Variants in KIFAP3 observed in about 807,000 individuals in gnomAD.
KIFAP3 encodes the protein kinesin-associated protein 3.
KIFAP3 carries 68 observed loss-of-function variants against 106.5 expected under a neutral mutation model. The ratio of observed to expected loss-of-function variants is 0.64; its 90% CI spans 0.53 to 0.78. The LOEUF (loss-of-function observed/expected upper bound fraction) is 0.78, where lower values mean the gene tolerates loss of function less well. KIFAP3 is among the 30% of genes least tolerant of loss of function. The probability of loss-of-function intolerance (pLI) is 0.00; values close to 1 mark genes in which losing one functional copy is unlikely to be tolerated. For synonymous variants in KIFAP3, 320 were observed against 311.5 expected (o/e 1.03, Z -0.29); for missense variants, 780 against 941.8 (o/e 0.83, Z 2.25).
At chr1:169,970,432 T>C (rs1665860865) in intron 17 of KIFAP3, among the ~76,000 whole-genome samples, 1 of 152,070 alleles carries the variant, frequency 6.6e-6, no homozygotes, top group Non-Finnish European at 1.5e-5. Flanking sequence ...AATATTTGCA[T>C]AATTTGGGGG....
intron 9 of KIFAP3, among the ~76,000 whole-genome samples, chr1:170,021,941 C>CTTTTTTTTTTTTTTTTTTTTTT (rs71125221): frequency 1.3e-5 from 1 of 77,884 alleles, no homozygotes; most frequent in East Asian, 4.5e-4. Context: ...TCTTTTCTTT[C>CTTTTTTTTTTTTTTTTTTTTTT]TTTTTTTTTT....
intron 18 of KIFAP3, among the ~76,000 whole-genome samples, chr1:169,954,867 CT>C (rs1481880036): frequency 6.6e-6 from 1 of 152,072 alleles, no homozygotes; most frequent in Admixed American, 6.6e-5. Flanking sequence ...GCTTCTTTCC[CT>C]AAATTTAAGT....
chr1:169,927,561 T>C (rs1663211252), intron 19 of KIFAP3, among the ~76,000 whole-genome samples: 1 of 152,146 alleles, frequency 6.6e-6, no homozygotes, highest in African/African-American at 2.4e-5. Context: ...ATAAACACCA[T>C]GGAGGGCAAG....
At chr1:170,039,137 C>A (rs1380619100) in intron 4 of KIFAP3, 96 bp downstream of exon 4, 1 of 586,472 alleles carries the variant, frequency 1.7e-6, no homozygotes, top group Non-Finnish European at 2.9e-6. Flanking sequence ...TTTAAAAATA[C>A]CACATGTGCT....
intron 17 of KIFAP3, among the ~76,000 whole-genome samples, chr1:169,963,139 T>A (rs1328192919): frequency 6.6e-6 from 1 of 152,184 alleles, no homozygotes; most frequent in Non-Finnish European, 1.5e-5. Flanking sequence ...TGTCTCTTGT[T>A]CCCTTCTTTG....
chr1:170,059,530 T>C (rs955729564), intron 1 of KIFAP3, among the ~76,000 whole-genome samples: 4 of 152,022 alleles, frequency 2.6e-5, no homozygotes, highest in Non-Finnish European at 5.9e-5. Context: ...ATTAATAGCC[T>C]ACCAACCAAA....
intron 19 of KIFAP3, among the ~76,000 whole-genome samples, chr1:169,951,777 G>T (rs1420887658): frequency 6.6e-6 from 1 of 151,842 alleles, no homozygotes; most frequent in African/African-American, 2.4e-5. Context: ...AATAAGTAAT[G>T]CATGATTTAT....
chr1:170,039,371 C>G lies in KIFAP3; in HGVS notation c.320-83G>C. 1.0e-5 allele frequency: 7 copies of G among 697,252 alleles called. No individual in the cohort carries two copies. In the South Asian group the frequency reaches 1.3e-4, roughly 13 times the overall value. 43.2% of individuals were successfully genotyped at this position (697,252 alleles called of 1,614,324 possible). A position where few individuals can be genotyped will look rare whatever the true frequency, so the allele number is the denominator to read the frequency against. ...TTTTATTTTCAGCAGCTGAGTTTAA[C>G]TCTAGGTAAACTGGGGATATTAAAA... On this transcript the variant is annotated intron_variant, in intron 3 of 19. Transcript: ENST00000361580.
intron 3 of KIFAP3, among the ~76,000 whole-genome samples, chr1:170,045,285 A>G (rs892254027): frequency 4.6e-5 from 7 of 152,000 alleles, no homozygotes; most frequent in African/African-American, 1.7e-4. Context: ...AGATCCAGAA[A>G]CCTCAAGTTA....
chr1:169,988,584 A>G lies in KIFAP3; in HGVS notation c.1284+3571T>C, dbSNP rs553664833. ...AATCAGTGGCTGATTAAACTCATGA[A>G]TGAGTTTAAAGCCTTATTGATATTA... On this transcript the variant is annotated intron_variant, in intron 11 of 19. Transcript: ENST00000361580. Among the ~76,000 whole-genome samples the G allele has an allele frequency of 1.3e-5, 2 of 152,132 alleles. 1 individual carries two copies. Among genetic ancestry groups the G allele is most frequent in the African/African-American group, 4.8e-5 (2 of 41,558 alleles).
intron 17 of KIFAP3, among the ~76,000 whole-genome samples, chr1:169,963,335 T>C (rs1665433881): frequency 6.6e-6 from 1 of 152,234 alleles, no homozygotes; most frequent in Non-Finnish European, 1.5e-5. Flanking sequence ...TATAACATTT[T>C]CTTTAGCCAG....
intron 19 of KIFAP3, among the ~76,000 whole-genome samples, chr1:169,945,794 T>C (rs1397545292): frequency 6.6e-6 from 1 of 152,224 alleles, no homozygotes; most frequent in Non-Finnish European, 1.5e-5. Flanking sequence ...GTTTCCAGGA[T>C]TCTAAGCCTT....
At chr1:169,979,419 A>G (rs1157857787) in intron 15 of KIFAP3, among the ~76,000 whole-genome samples, 2 of 152,168 alleles carry the variant, frequency 1.3e-5, no homozygotes, top group East Asian at 1.9e-4. Context: ...TATTAAAATG[A>G]ATTATATTAA....
chr1:170,059,141 C>G (rs946190155), intron 1 of KIFAP3, among the ~76,000 whole-genome samples: 17 of 151,996 alleles, frequency 1.1e-4, no homozygotes, highest in African/African-American at 3.9e-4. Context: ...CATTTAAAAG[C>G]TAGCAGAAGG....
At chr1:170,038,069 T>C (rs970819131) in intron 5 of KIFAP3, among the ~76,000 whole-genome samples, 2 of 152,056 alleles carry the variant, frequency 1.3e-5, no homozygotes, top group Non-Finnish European at 2.9e-5. Flanking sequence ...CTTCCCAGAG[T>C]AGAAGAAAGA....
chr1:170,049,014 G>A lies in KIFAP3; in HGVS notation c.165-2148C>T, dbSNP rs562458359. Among the ~76,000 whole-genome samples, 13 of 152,360 alleles carry A rather than the reference G, an allele frequency of 8.5e-5. No homozygotes were observed. In the South Asian group the frequency reaches 2.1e-3, roughly 24 times the overall value. ...CTGGAAAGGGGGCGGAAGCCAAGGA[G>A]CCAAGTGGTCTCACTCAGTGAGTCC... is the stretch of plus-strand genomic sequence containing the variant. On this transcript the variant is annotated intron_variant, in intron 2 of 19. Coordinates refer to ENST00000361580, the MANE Select transcript of KIFAP3 (RefSeq NM_014970.4).
At chr1:170,058,340 G>A (rs868542280) in intron 1 of KIFAP3, among the ~76,000 whole-genome samples, 4 of 152,162 alleles carry the variant, frequency 2.6e-5, no homozygotes, top group Admixed American at 2.6e-4. Context: ...TTACGCCATA[G>A]AGCAAATAAC....
chr1:169,943,040 A>G (rs1664228709), intron 19 of KIFAP3, among the ~76,000 whole-genome samples: 1 of 152,030 alleles, frequency 6.6e-6, no homozygotes, highest in Non-Finnish European at 1.5e-5. Context: ...CATTTAATAC[A>G]GCTTAATATT....
chr1:169,960,605 TAG>T (rs1665274358), intron 18 of KIFAP3, among the ~76,000 whole-genome samples: 1 of 152,126 alleles, frequency 6.6e-6, no homozygotes, highest in Non-Finnish European at 1.5e-5. Context: ...AGTTACCATA[TAG>T]AGTTTGGTAG....
Sources: allele counts gnomAD v4.1 joint callset (sites outside exome capture counted in the v4.1 genomes callset), GRCh38; gene constraint gnomAD v4.1.1; transcripts MANE v1.5; gene names NCBI Gene and HGNC (gene_info 2026-07-23, HGNC 2026-07-21).